Variants in SLTM observed in about 807,000 individuals in gnomAD.
SLTM encodes SAFB like transcription modulator, also known as SAFB-like transcription modulator.
In SLTM, 43 loss-of-function variants were observed where a neutral mutation model predicts 134.6. That is an observed-to-expected ratio of 0.32 (90% CI 0.25 to 0.41). The LOEUF (loss-of-function observed/expected upper bound fraction) is 0.41, where lower values mean the gene tolerates loss of function less well. Ranked by LOEUF, SLTM falls within the 10% of genes least tolerant of loss-of-function variation. SLTM has a pLI of 1.00. For synonymous variants in SLTM, 424 were observed against 432.3 expected (o/e 0.98, Z 0.24); for missense variants, 1,055 against 1,288.8 (o/e 0.82, Z 2.78).
At chr15:58,931,534 A>G (rs770446306) in intron 2 of SLTM, among the ~76,000 whole-genome samples, 3 of 152,196 alleles carry the variant, frequency 2.0e-5, no homozygotes, top group Non-Finnish European at 4.4e-5. Flanking sequence ...CTCTGCATGA[A>G]AATTGTAGGT....
At chr15:58,931,608 T>G (rs775253475) in intron 2 of SLTM, among the ~76,000 whole-genome samples, 6 of 152,150 alleles carry the variant, frequency 3.9e-5, no homozygotes, top group Non-Finnish European at 8.8e-5. Context: ...AGGGAGAAAT[T>G]TGCAGTTATT....
chr15:58,894,245 G>A, intron 10 of SLTM, 52 bp from the exon 11 acceptor site: 1 of 1,494,128 alleles, frequency 6.7e-7, no homozygotes. Flanking sequence ...ACATTTTTGT[G>A]ATTATAAGAA....
intron 2 of SLTM, among the ~76,000 whole-genome samples, chr15:58,925,661 C>G (rs1410701360): frequency 6.6e-6 from 1 of 152,148 alleles, no homozygotes; most frequent in East Asian, 1.9e-4. Flanking sequence ...TGAAAAATTA[C>G]TACAAAGATA....
rs1313783738 is a variant in SLTM, at chr15:58,879,229, A to C, written c.*770T>G. The C allele has an allele frequency of 2.7e-5, 4 of 150,938 alleles. No individual in the cohort carries two copies. Among genetic ancestry groups the C allele is most frequent in the Non-Finnish European group, 5.9e-5 (4 of 68,014 alleles). The allele number at this position is 150,938 out of a possible 1,614,324, so 9.3% of individuals were successfully genotyped here. A position where few individuals can be genotyped will look rare whatever the true frequency, so the allele number is the denominator to read the frequency against. ...TTCCCAGAGATGGAATTTATCCATC[A>C]AACAAACAGTGCAGATTACCTAAAA... is the stretch of plus-strand genomic sequence containing the variant. On this transcript the variant is annotated 3_prime_UTR_variant, in exon 21 of 21. Coordinates refer to ENST00000380516, the MANE Select transcript of SLTM (RefSeq NM_024755.4).
Position 58,884,697 on chromosome 15 carries a change from C to T in SLTM, c.2836-911G>A, listed in dbSNP as rs557998843. On this transcript the variant is annotated intron_variant, in intron 19 of 20. Transcript: ENST00000380516. ...CCAGGTTGGAGTACAGTGTTGCTAC[C>T]GTAACTCACTGCAACTTTGAACTCC... is the stretch of plus-strand genomic sequence containing the variant. Among the ~76,000 whole-genome samples the T allele has an allele frequency of 3.3e-5, 5 of 151,896 alleles. No individual in the cohort carries two copies. In the South Asian group the frequency reaches 6.2e-4, roughly 19 times the overall value.
chr15:58,883,819 C>A (rs369518079), intron 19 of SLTM, 33 bp from the exon 20 acceptor site: 1 of 1,608,800 alleles, frequency 6.2e-7, no homozygotes, highest in East Asian at 2.2e-5. Flanking sequence ...GTCACTTGGC[C>A]GGGCGCAGTG....
chr15:58,889,057 T>A (rs1165233037), intron 16 of SLTM: 1 of 201,308 alleles, frequency 5.0e-6, no homozygotes, highest in East Asian at 1.2e-4. Flanking sequence ...TAAATCTATA[T>A]GAAGTATGAA....
intron 20 of SLTM, among the ~76,000 whole-genome samples, chr15:58,881,327 C>T (rs1223102646): frequency 1.3e-5 from 2 of 152,056 alleles, no homozygotes; most frequent in Non-Finnish European, 2.9e-5. Flanking sequence ...GAGTTTGAGA[C>T]CAGCCTGGCC....
intron 3 of SLTM, 40 bp downstream of exon 3, chr15:58,916,895 C>G: frequency 6.4e-7 from 1 of 1,566,580 alleles, no homozygotes; most frequent in Non-Finnish European, 8.8e-7. Flanking sequence ...AAATACTAGG[C>G]TTAAAATAAG....
At position 58,883,612 on chromosome 15, in the gene SLTM, G is replaced by A. The variant is rs1477057377; in HGVS notation, c.2996+14C>T. On this transcript the variant is annotated intron_variant, in intron 20 of 20. Coordinates refer to ENST00000380516, the MANE Select transcript of SLTM (RefSeq NM_024755.4). ...TTGGTTGTGTGCTGGCAGAAAAACT[G>A]GTTAGTTATTTACCTTGAATGTTGG... 2.5e-6 allele frequency: 4 copies of A among 1,613,360 alleles called. No homozygotes were observed. The Admixed American group carries it at 6.7e-5, about 27-fold the overall frequency.
At chr15:58,915,889 G>T (rs1464073102) in intron 3 of SLTM, among the ~76,000 whole-genome samples, 2 of 151,474 alleles carry the variant, frequency 1.3e-5, no homozygotes, top group Non-Finnish European at 2.9e-5. Flanking sequence ...AATTCAAGAG[G>T]AACTATACTC....
At chr15:58,909,186 T>A (rs576318072) in intron 5 of SLTM, among the ~76,000 whole-genome samples, 10 of 152,210 alleles carry the variant, frequency 6.6e-5, no homozygotes, top group Non-Finnish European at 1.2e-4. Flanking sequence ...AAGGAATCAA[T>A]CAAAGTCTAC....
intron 2 of SLTM, among the ~76,000 whole-genome samples, chr15:58,922,350 C>G (rs1259316176): frequency 2.0e-5 from 2 of 97,672 alleles, no homozygotes; most frequent in Non-Finnish European, 3.7e-5. Context: ...GCACTCCAGT[C>G]TGGGTGACAA....
chr15:58,890,208 C>A, intron 15 of SLTM, 73 bp downstream of exon 15: 1 of 1,552,422 alleles, frequency 6.4e-7, no homozygotes, highest in Non-Finnish European at 8.8e-7. Context: ...ACAAGTAAAG[C>A]AAGTTTTAGG....
chr15:58,891,800 T>C lies in SLTM; in HGVS notation c.1898+1097A>G, dbSNP rs192046199. 2.7e-3 allele frequency among the ~76,000 whole-genome samples: 407 copies of C among 152,308 alleles called. 1 individual carries two copies. Among genetic ancestry groups the C allele is most frequent in the African/African-American group, 9.4e-3 (391 of 41,566 alleles). Reference sequence around the variant, plus strand: ...CATTTTTTTCTTTTTTTGAAATTGTTAGTATAGCTTAAGTATGTTATACAT... The same window carrying C: ...CATTTTTTTCTTTTTTTGAAATTGTCAGTATAGCTTAAGTATGTTATACAT... On this transcript the variant is annotated intron_variant, in intron 14 of 20. Coordinates refer to ENST00000380516, the MANE Select transcript of SLTM (RefSeq NM_024755.4).
chr15:58,887,121 TGTTAAACAAAACA>T lies in SLTM; in HGVS notation c.2691-15_2691-3del, dbSNP rs1220293951. 8 of 1,614,060 alleles carry T rather than the reference TGTTAAACAAAACA, an allele frequency of 5.0e-6. No individual in the cohort carries two copies. Among genetic ancestry groups the T allele is most frequent in the Non-Finnish European group, 6.8e-6 (8 of 1,179,976 alleles). On this transcript the variant is annotated splice_region_variant and splice_polypyrimidine_tract_variant and intron_variant, in intron 18 of 20. Coordinates refer to ENST00000380516, the MANE Select transcript of SLTM (RefSeq NM_024755.4). ...CCAGATCGTTCTGGCCTTTCAACTC[TGTTAAACAAAACA>T]TAAAAACATACATGATCAAAACTGT...
At position 58,883,637 on chromosome 15, in the gene SLTM, G is replaced by C; in HGVS notation, c.2985C>G (p.Thr995=). Residue 995 remains threonine (T), a synonymous_variant, in exon 20 of 21, where the codon ACC becomes ACG. Coordinates refer to ENST00000380516, the MANE Select transcript of SLTM (RefSeq NM_024755.4). ...GGTTAGTTATTTACCTTGAATGTTG[G>C]GTTATCATGCCTGCTCCTGCCCGGC... ...GDGRAGAGMI[T]QHSSNASPIN... 1 of 1,614,032 alleles carries C rather than the reference G, an allele frequency of 6.2e-7. No homozygotes were observed. Among genetic ancestry groups the C allele is most frequent in the Non-Finnish European group, 8.5e-7 (1 of 1,179,984 alleles).
At chr15:58,885,087 G>A (rs1176939575) in intron 19 of SLTM, among the ~76,000 whole-genome samples, 4 of 152,202 alleles carry the variant, frequency 2.6e-5, no homozygotes, top group Non-Finnish European at 5.9e-5. Context: ...AGCCTATCAG[G>A]ACAACATGCA....
At chr15:58,926,373 T>C (rs2037469435) in intron 2 of SLTM, among the ~76,000 whole-genome samples, 1 of 152,164 alleles carries the variant, frequency 6.6e-6, no homozygotes, top group South Asian at 2.1e-4. Context: ...CCTTTAAACA[T>C]AAACCTCCTG....
Sources: allele counts gnomAD v4.1 joint callset (sites outside exome capture counted in the v4.1 genomes callset), GRCh38; gene constraint gnomAD v4.1.1; transcripts MANE v1.5; gene names NCBI Gene and HGNC (gene_info 2026-07-23, HGNC 2026-07-21).